Variants in CEP295NL observed in about 807,000 individuals in gnomAD.
The protein encoded by CEP295NL is protein DDC8 homolog.
A neutral mutation model predicts 4.6 loss-of-function variants in CEP295NL; 3 were observed. The observed-to-expected ratio is 0.65, with a 90% CI of 0.30 to 1.69. The LOEUF is 1.69. Ranked by LOEUF, CEP295NL falls within the 40% of genes most tolerant of loss-of-function variation. The probability of loss-of-function intolerance (pLI) is 0.10; values close to 1 mark genes in which losing one functional copy is unlikely to be tolerated. For synonymous variants in CEP295NL, 295 were observed against 312.2 expected (o/e 0.94, Z 0.58); for missense variants, 719 against 769.0 (o/e 0.93, Z 0.77).
Position 78,903,198 on chromosome 17 carries a change from T to G in CEP295NL, c.-163A>C, listed in dbSNP as rs1371315390. The stretch of plus-strand genomic sequence containing the variant: ...CCCGGCCTCTGCCCTGGCTGGCTAC[T>G]CATAGCAGGCTGTTGCCATGGGAAC... On this transcript the variant is annotated 5_prime_UTR_variant, in exon 1 of 3. Transcript: ENST00000322630. The G allele has an allele frequency of 6.6e-6, 1 of 152,386 alleles. No individual in the cohort carries two copies. Among genetic ancestry groups the G allele is most frequent in the Non-Finnish European group, 1.5e-5 (1 of 68,148 alleles). 9.4% of individuals were successfully genotyped at this position (152,386 alleles called of 1,614,324 possible).
chr17:78,892,201 C>T lies in CEP295NL; in HGVS notation c.303G>A (p.Leu101=), dbSNP rs2069910106. The T allele has an allele frequency of 6.4e-7, 1 of 1,550,946 alleles. No individual in the cohort carries two copies. The highest frequency in any genetic ancestry group is 2.4e-5 in the East Asian group (1 of 40,938). ...AGCGCTGGAGCTGGTAGTTTTTCCA[C>T]AGCTTGGCATCCGCTCTTCTCTGCA... The part of the protein sequence containing the change: ...LALQRRADAK[L]WKNYQLQRLA... Residue 101 remains leucine (L), a synonymous_variant, in exon 3 of 3, where the codon CTG becomes CTA. Coordinates refer to ENST00000322630, the MANE Select transcript of CEP295NL (RefSeq NM_001243540.2).
rs115500726 is a variant in CEP295NL at position 78,892,853 on chromosome 17, G to A, written c.45-394C>T. 7.6e-3 allele frequency among the ~76,000 whole-genome samples: 1,165 copies of A among 152,308 alleles called. 13 individuals are homozygous for A. The highest frequency in any genetic ancestry group is 0.027 in the African/African-American group (1,121 of 41,560). ...GACAGTGAATAACCTGGCCAGAGAT[G>A]TCAGTAGTGCCGAGACTGACAATCC... On this transcript the variant is annotated intron_variant, in intron 2 of 2. Transcript: ENST00000322630.
intron 2 of CEP295NL, among the ~76,000 whole-genome samples, chr17:78,893,361 AGGGGTGTG>A (rs2069942908): frequency 7.9e-5 from 7 of 88,970 alleles, no homozygotes; most frequent in African/African-American, 3.3e-4. Context: ...GTGTGTGTGC[AGGGGTGTG>A]TAGGAGTGTG....
At chr17:78,895,237 C>T (rs947835875) in intron 2 of CEP295NL, among the ~76,000 whole-genome samples, 5 of 152,120 alleles carry the variant, frequency 3.3e-5, no homozygotes, top group Non-Finnish European at 7.3e-5. Flanking sequence ...GCTGAGATTG[C>T]ACCATTGCAC....
chr17:78,897,673 G>A (rs1206722697), intron 2 of CEP295NL: 1 of 152,290 alleles, frequency 6.6e-6, no homozygotes, highest in East Asian at 1.9e-4. Flanking sequence ...TGGCAAGCAT[G>A]GCCATCCCTG....
At chr17:78,892,626 T>G in intron 2 of CEP295NL, 167 bp from the exon 3 acceptor site, 1 of 1,043,414 alleles carries the variant, frequency 9.6e-7, no homozygotes, top group Non-Finnish European at 1.4e-6. Flanking sequence ...AGCCTCCCAA[T>G]TTCTGTCCTG....
At chr17:78,894,826 A>T (rs2069973398) in intron 2 of CEP295NL, among the ~76,000 whole-genome samples, 1 of 152,232 alleles carries the variant, frequency 6.6e-6, no homozygotes, top group Non-Finnish European at 1.5e-5. Context: ...AAAGAAAAAA[A>T]AAACCTTTGT....
Position 78,890,758 on chromosome 17 carries a change from G to T in CEP295NL, c.1746C>A (p.Asp582Glu), listed in dbSNP as rs571031295. ...TSPSGTSLADDDRHSQMIRDQ... is the reference protein window; with the variant it reads ...TSPSGTSLADEDRHSQMIRDQ... The stretch of plus-strand genomic sequence containing the variant: ...CTCGGATCATCTGACTGTGCCGGTC[G>T]TCGTCGGCGAGGCTGGTGCCCGATG... Residue 582 changes from aspartate (D) to glutamate (E), a missense_variant, in exon 3 of 3, where the codon GAC becomes GAA. Coordinates refer to ENST00000322630, the MANE Select transcript of CEP295NL (RefSeq NM_001243540.2). The T allele has an allele frequency of 2.6e-6, 4 of 1,550,512 alleles. No individual in the cohort carries two copies. The African/African-American group carries it at 5.5e-5, about 21-fold the overall frequency.
At position 78,891,522 on chromosome 17, in the gene CEP295NL, G is replaced by T. The variant is rs1256816635; in HGVS notation, c.982C>A (p.Gln328Lys). ...TTGTTCTTCTCCCGGAGCGTGCACT[G>T]AGATGCTGGGGACACGGCTTCCCTT... ...CRREAVSPAS[Q>K]CTLREKNKWQ... The change falls in exon 3 of 3, where the codon CAG (glutamine) becomes AAG (lysine). Residue 328 changes from glutamine (Q) to lysine (K), a missense_variant. Transcript: ENST00000322630. This position sits in a 1 kb window ranked among gnomAD's most constrained non-coding sequence, Gnocchi z 4.5. 3 of 1,551,120 alleles carry T rather than the reference G, an allele frequency of 1.9e-6. No homozygotes were observed. Among genetic ancestry groups the T allele is most frequent in the Non-Finnish European group, 2.6e-6 (3 of 1,147,124 alleles).
rs1180724266 is a variant in CEP295NL at position 78,892,307 on chromosome 17, C to T, written c.197G>A (p.Ser66Asn). The change falls in exon 3 of 3, where the codon AGC (serine) becomes AAC (asparagine). Residue 66 changes from serine to asparagine, a missense_variant. By Grantham distance (46) the Ser-to-Asn change is conservative. Transcript: ENST00000322630. ...CAGGTCTTCGTTATCAGGACAGAGGCTCAGCCACATGGCTCCATCCATGTT... is the reference window on the plus strand; with the variant it reads ...CAGGTCTTCGTTATCAGGACAGAGGTTCAGCCACATGGCTCCATCCATGTT... ...NRNMDGAMWL[S>N]LCPDNEDLLW... 6.4e-7 allele frequency: 1 copy of T among 1,550,536 alleles called. No individual in the cohort carries two copies. The highest frequency in any genetic ancestry group is 2.0e-5 in the Admixed American group (1 of 50,988).
rs972636912 is a variant in CEP295NL at position 78,901,812 on chromosome 17, G to C, written c.17C>G (p.Ser6Cys). 2.2e-5 allele frequency: 16 copies of C among 717,062 alleles called. No individual in the cohort carries two copies. Among genetic ancestry groups the C allele is most frequent in the Non-Finnish European group, 3.9e-5 (15 of 384,998 alleles). 44.4% of individuals were successfully genotyped at this position (717,062 alleles called of 1,614,324 possible). The change falls in exon 2 of 3, where the codon TCT becomes TGT. Residue 6 changes from serine to cysteine, a missense_variant. Transcript: ENST00000322630. MCSGW[S>C]SSVIWRHTQF... ...TGTGTGTCTCCAGATGACTGAGCTA[G>C]ACCACCCAGAACACATTACAGGGAG...
intron 2 of CEP295NL, among the ~76,000 whole-genome samples, chr17:78,894,222 G>A (rs959480239): frequency 6.6e-6 from 1 of 152,036 alleles, no homozygotes; most frequent in African/African-American, 2.4e-5. Flanking sequence ...CAGGGAAACT[G>A]AGGCAGGCAG....
chr17:78,902,972 GC>G (rs1262872602), intron 1 of CEP295NL, among the ~76,000 whole-genome samples, 161 bp downstream of exon 1: 3 of 152,230 alleles, frequency 2.0e-5, no homozygotes, highest in Non-Finnish European at 4.4e-5. Context: ...TTTGCCGCTG[GC>G]CTTGCGAACC....
intron 2 of CEP295NL, among the ~76,000 whole-genome samples, chr17:78,892,989 C>T (rs2069925407): frequency 6.6e-6 from 1 of 152,090 alleles, no homozygotes; most frequent in South Asian, 2.1e-4. Context: ...AAGTCTGGGC[C>T]TCTGGAGGGA....
Position 78,890,618 on chromosome 17 carries a change from C to T in CEP295NL, c.*20G>A, listed in dbSNP as rs1294616020. 14 of 1,544,586 alleles carry T rather than the reference C, an allele frequency of 9.1e-6. No homozygotes were observed. Among genetic ancestry groups the T allele is most frequent in the Non-Finnish European group, 1.2e-5 (14 of 1,142,988 alleles). ...GCACCATTATCAGTGATGTATTTAC[C>T]CCGGGTGGGCCTCTCGCATTTAGCA... On this transcript the variant is annotated 3_prime_UTR_variant, in exon 3 of 3. Coordinates refer to ENST00000322630, the MANE Select transcript of CEP295NL (RefSeq NM_001243540.2).
chr17:78,890,929 G>T lies in CEP295NL; in HGVS notation c.1575C>A (p.His525Gln). The change falls in exon 3 of 3, where the codon CAC becomes CAA. Residue 525 changes from histidine to glutamine, a missense_variant. Transcript: ENST00000322630. ...AGTGGATTTCCAAGCTCATATCTGG[G>T]TGTTCCATTTGTTCAAGCGATTCCA... ...KQLESLEQME[H>Q]PDMSLEIHYK... 6.4e-7 allele frequency: 1 copy of T among 1,550,854 alleles called. No individual in the cohort carries two copies. The highest frequency in any genetic ancestry group is 1.2e-5 in the South Asian group (1 of 84,060).
intron 2 of CEP295NL, chr17:78,899,511 C>A (rs1201782580): frequency 6.6e-6 from 1 of 152,228 alleles, no homozygotes; most frequent in African/African-American, 2.4e-5. Flanking sequence ...CCAGCCCCTG[C>A]GGGAGGGGCC....
At chr17:78,892,683 T>A (rs1442088810) in intron 2 of CEP295NL, among the ~76,000 whole-genome samples, 1 of 152,188 alleles carries the variant, frequency 6.6e-6, no homozygotes, top group Non-Finnish European at 1.5e-5. Context: ...GAACAGAGTG[T>A]GGTGTTGTTT....
intron 2 of CEP295NL, among the ~76,000 whole-genome samples, chr17:78,894,199 C>T (rs114592332): frequency 0.012 from 1,784 of 151,990 alleles, 21 homozygotes; most frequent in Non-Finnish European, 0.018. Context: ...TCCTACCCCC[C>T]CCGGTTCACA....
Sources: gnomAD v4.1 joint callset for allele counts (sites outside exome capture counted in the v4.1 genomes callset) on GRCh38, gnomAD v4.1.1 for gene constraint, Gnocchi (gnomAD v3.1) non-coding constraint, MANE v1.5 for transcripts, NCBI Gene and HGNC (gene_info 2026-07-23, HGNC 2026-07-21) for gene names.